The following ALDH1A2 variants were observed in gnomAD, a reference collection of about 807,000 sequenced individuals.
The protein encoded by ALDH1A2 is aldehyde dehydrogenase 1 family member A2.
Under a neutral mutation model 60.3 loss-of-function variants are expected in ALDH1A2, and 27 were observed. The ratio of observed to expected loss-of-function variants is 0.45; its 90% CI spans 0.33 to 0.62. The LOEUF is 0.62. ALDH1A2 is among the 20% of genes least tolerant of loss of function. The pLI, the probability that ALDH1A2 is intolerant of heterozygous loss-of-function variation, is 0.02. For missense variants in ALDH1A2, 581 were observed against 643.8 expected (o/e 0.90, Z 1.06); for synonymous variants, 289 against 232.4 (o/e 1.24, Z -2.21).
At chr15:57,994,671 G>T (rs1229670240) in intron 5 of ALDH1A2, among the ~76,000 whole-genome samples, 1 of 152,042 alleles carries the variant, frequency 6.6e-6, no homozygotes, top group Non-Finnish European at 1.5e-5. Context: ...CTTGAGAAAA[G>T]AAACAGTGGG....
At chr15:57,980,394 G>C (rs75501161) in intron 7 of ALDH1A2, 14,200 of 368,730 alleles carry the variant, frequency 0.039, 430 homozygotes, top group Middle Eastern at 0.073. Context: ...AGGTTTTCCA[G>C]CTGGTGCCAC....
rs1209124754 is a variant in ALDH1A2 at position 58,040,498 on chromosome 15, A to G, written c.117+25036T>C. On this transcript the variant is annotated intron_variant, in intron 1 of 12. Transcript: ENST00000249750. ...CTGTGAACTTTCACCATTTCATTTCATCTAGATAACAAATCTACGATGTAG... is the reference window on the plus strand; with the variant it reads ...CTGTGAACTTTCACCATTTCATTTCGTCTAGATAACAAATCTACGATGTAG... Among the ~76,000 whole-genome samples the G allele has an allele frequency of 3.3e-5, 5 of 151,898 alleles. No individual in the cohort carries two copies. In the East Asian group the frequency reaches 9.7e-4, roughly 29 times the overall value.
rs976839830 is a variant in ALDH1A2 at position 58,057,323 on chromosome 15, T to C, written c.117+8211A>G. Among the ~76,000 whole-genome samples, 248 of 152,134 alleles carry C rather than the reference T, an allele frequency of 1.6e-3. 1 individual carries two copies. The highest frequency in any genetic ancestry group is 6.0e-3 in the African/African-American group (247 of 41,512). Reference sequence around the variant, plus strand: ...ATCAAATTACAGAAGGATATATATATATATATGGTACATATATATAAAACA... The same window carrying C: ...ATCAAATTACAGAAGGATATATATACATATATGGTACATATATATAAAACA... On this transcript the variant is annotated intron_variant, in intron 1 of 12. Transcript: ENST00000249750.
intron 7 of ALDH1A2, among the ~76,000 whole-genome samples, chr15:57,967,772 A>G (rs1893943567): frequency 3.3e-5 from 5 of 152,132 alleles, no homozygotes; most frequent in Admixed American, 2.6e-4. Context: ...GCTGTGGCCA[A>G]CCTGCCAGAC....
At chr15:58,054,011 C>A (rs906251982) in intron 1 of ALDH1A2, among the ~76,000 whole-genome samples, 47 of 152,222 alleles carry the variant, frequency 3.1e-4, no homozygotes, top group Admixed American at 7.2e-4. Flanking sequence ...TTACTAAATT[C>A]TCAGGAGGGC....
intron 11 of ALDH1A2, 106 bp from the exon 12 acceptor site, chr15:57,960,950 C>T: frequency 2.9e-6 from 4 of 1,356,572 alleles, no homozygotes; most frequent in South Asian, 1.3e-5. Flanking sequence ...TCCTTTCCTC[C>T]AGAGGAAAAA....
At chr15:57,961,001 G>A in intron 11 of ALDH1A2, 136 bp downstream of exon 11, 1 of 1,340,834 alleles carries the variant, frequency 7.5e-7, no homozygotes, top group Non-Finnish European at 1.0e-6. Flanking sequence ...GATCTAAGCA[G>A]TAAGGAGTGT....
At chr15:58,033,235 T>C (rs1456723186) in intron 1 of ALDH1A2, among the ~76,000 whole-genome samples, 1 of 151,990 alleles carries the variant, frequency 6.6e-6, no homozygotes, top group African/African-American at 2.4e-5. Context: ...TATGTGCAAA[T>C]AAAAAATGCA....
chr15:57,955,243 G>T lies in ALDH1A2; in HGVS notation c.1511C>A (p.Ser504Ter). ...CTTTACTGTCACCGTCTTAACTTCTGAGTACTCCCGCAAGCCAAATTCTCC... is the reference window on the plus strand; with the variant it reads ...CTTTACTGTCACCGTCTTAACTTCTTAGTACTCCCGCAAGCCAAATTCTCC... ...EMGEFGLREYSEVKTVTVKIP... is the reference protein window; with the variant it reads ...EMGEFGLREY The change falls in exon 13 of 13, where the codon TCA becomes TAA. Residue 504 changes from serine (S) to a stop codon, truncating the protein, a stop_gained. Coordinates refer to ENST00000249750, the MANE Select transcript of ALDH1A2 (RefSeq NM_003888.4). LOFTEE classifies it high-confidence loss of function. 6.2e-7 allele frequency: 1 copy of T among 1,614,056 alleles called. No individual in the cohort carries two copies. The highest frequency in any genetic ancestry group is 8.5e-7 in the Non-Finnish European group (1 of 1,180,002).
intron 7 of ALDH1A2, among the ~76,000 whole-genome samples, chr15:57,983,461 T>C (rs905129366): frequency 5.9e-5 from 9 of 152,210 alleles, no homozygotes; most frequent in Admixed American, 2.0e-4. Context: ...GAAGACAGCC[T>C]TAAATTCTTG....
Position 58,013,821 on chromosome 15 carries a change from G to A in ALDH1A2, c.363+37C>T, listed in dbSNP as rs377243463. ...TGTAAATTTCAGCAGAATGGCAAATGTGGGTTAAAGACTTAATGTTTTCTT... is the reference window on the plus strand; with the variant it reads ...TGTAAATTTCAGCAGAATGGCAAATATGGGTTAAAGACTTAATGTTTTCTT... On this transcript the variant is annotated intron_variant, in intron 3 of 12. Coordinates refer to ENST00000249750, the MANE Select transcript of ALDH1A2 (RefSeq NM_003888.4). 1.4e-4 allele frequency: 220 copies of A among 1,612,410 alleles called. 2 individuals are homozygous for A. The highest frequency in any genetic ancestry group is 6.6e-4 in the Middle Eastern group (4 of 6,042).
chr15:58,052,489 G>T (rs980371360), intron 1 of ALDH1A2, among the ~76,000 whole-genome samples: 2 of 151,702 alleles, frequency 1.3e-5, no homozygotes, highest in East Asian at 1.9e-4. Flanking sequence ...TTTTTGAGAG[G>T]GAGTCTTGCT....
intron 1 of ALDH1A2, 124 bp downstream of exon 1, chr15:58,065,410 G>T: frequency 1.1e-6 from 1 of 875,900 alleles, no homozygotes; most frequent in Non-Finnish European, 1.9e-6. Flanking sequence ...GCTGCGCCGG[G>T]ATGACAGGCT....
chr15:58,036,353 G>A (rs1385264136), intron 1 of ALDH1A2, among the ~76,000 whole-genome samples: 2 of 151,442 alleles, frequency 1.3e-5, no homozygotes, highest in Non-Finnish European at 3.0e-5. Flanking sequence ...AGATCTAGAT[G>A]CATAATGACA....
chr15:57,961,907 A>G (rs1893732879), intron 10 of ALDH1A2, 105 bp downstream of exon 10: 1 of 1,437,800 alleles, frequency 7.0e-7, no homozygotes, highest in Non-Finnish European at 9.7e-7. Context: ...CAAAATGAAT[A>G]TATGTAAAAT....
chr15:57,966,165 G>A (rs1375548926), intron 7 of ALDH1A2, among the ~76,000 whole-genome samples: 1 of 152,166 alleles, frequency 6.6e-6, no homozygotes, highest in Non-Finnish European at 1.5e-5. Context: ...GTGGCCTTTA[G>A]CTTTGGACTC....
At chr15:57,996,635 A>G (rs559702756) in intron 4 of ALDH1A2, among the ~76,000 whole-genome samples, 25 of 151,692 alleles carry the variant, frequency 1.6e-4, no homozygotes, top group Non-Finnish European at 3.1e-4. Context: ...AGTTTAGGCT[A>G]TTATAAATAA....
intron 4 of ALDH1A2, among the ~76,000 whole-genome samples, chr15:58,002,900 T>C (rs1398308168): frequency 5.3e-5 from 8 of 151,862 alleles, no homozygotes; most frequent in South Asian, 2.1e-4. Flanking sequence ...ATGTTGACGT[T>C]GAACAGACCT....
At chr15:58,044,579 A>G (rs1017988061) in intron 1 of ALDH1A2, among the ~76,000 whole-genome samples, 12 of 152,052 alleles carry the variant, frequency 7.9e-5, no homozygotes, top group African/African-American at 2.7e-4. Context: ...ATTCCTAATG[A>G]AACACTACTT....
Sources: allele counts gnomAD v4.1 joint callset (sites outside exome capture counted in the v4.1 genomes callset), GRCh38; gene constraint gnomAD v4.1.1; transcripts MANE v1.5; gene names NCBI Gene and HGNC (gene_info 2026-07-23, HGNC 2026-07-21).